Variants in KLHDC1 observed in about 807,000 individuals in gnomAD.
The protein encoded by KLHDC1 is kelch domain-containing protein 1.
KLHDC1 carries 53 observed loss-of-function variants against 68.3 expected under a neutral mutation model. That is an observed-to-expected ratio of 0.78 (90% CI 0.62 to 0.98). The LOEUF is 0.98. Ranked by LOEUF, KLHDC1 falls within the 50% of genes least tolerant of loss-of-function variation. The probability of loss-of-function intolerance (pLI) is 0.00; values close to 1 mark genes in which losing one functional copy is unlikely to be tolerated. For missense variants in KLHDC1, 470 were observed against 492.3 expected, an observed-to-expected ratio of 0.95 and a Z score of 0.43; for synonymous variants, 148 against 159.0, an observed-to-expected ratio of 0.93 and a Z score of 0.52.
chr14:49,741,280 A>T (rs1218326812), intron 11 of KLHDC1, among the ~76,000 whole-genome samples: 1 of 151,672 alleles, frequency 6.6e-6, no homozygotes, highest in Non-Finnish European at 1.5e-5. Flanking sequence ...TCAAGAGGAA[A>T]CTACTTTGTT....
chr14:49,710,420 A>G, intron 4 of KLHDC1, 39 bp downstream of exon 4: 2 of 1,021,900 alleles, frequency 2.0e-6, no homozygotes, highest in South Asian at 2.7e-5. Context: ...ATGTCTACCT[A>G]AGCAAAGATA....
chr14:49,751,543 C>A, intron 12 of KLHDC1, 43 bp from the exon 13 acceptor site: 4 of 881,238 alleles, frequency 4.5e-6, no homozygotes, highest in Admixed American at 2.9e-5. Context: ...TATATTATAA[C>A]CTCAGGTTCA....
intron 6 of KLHDC1, among the ~76,000 whole-genome samples, chr14:49,727,860 A>G (rs547084318): frequency 6.6e-6 from 1 of 152,250 alleles, no homozygotes; most frequent in Non-Finnish European, 1.5e-5. Flanking sequence ...AATTTCCTAT[A>G]CCCACTTTGA....
intron 9 of KLHDC1, among the ~76,000 whole-genome samples, chr14:49,733,859 A>G (rs894682331): frequency 1.3e-5 from 2 of 152,222 alleles, no homozygotes; most frequent in African/African-American, 4.8e-5. Context: ...TTTATTGAGC[A>G]TCAGCTGTGT....
At position 49,698,931 on chromosome 14, in the gene KLHDC1, G is replaced by C. The variant is rs190577778; in HGVS notation, c.96+5641G>C. Among the ~76,000 whole-genome samples, 1,068 of 151,828 alleles carry C rather than the reference G, an allele frequency of 7.0e-3. 10 individuals carry two copies. The highest frequency in any genetic ancestry group is 0.038 in the Middle Eastern group (11 of 292). On this transcript the variant is annotated intron_variant, in intron 1 of 12. Transcript: ENST00000359332. Reference sequence around the variant, plus strand: ...CTGTAATCCCAGCACTTTGGAGGCCGAGGCGGGTGGATCACGAGGGCAGGA... The same window carrying C: ...CTGTAATCCCAGCACTTTGGAGGCCCAGGCGGGTGGATCACGAGGGCAGGA...
intron 12 of KLHDC1, among the ~76,000 whole-genome samples, chr14:49,745,915 G>A (rs2139770014): frequency 6.6e-6 from 1 of 152,322 alleles, no homozygotes; most frequent in Middle Eastern, 3.4e-3. Context: ...CATATTACAA[G>A]TTAGACAATT....
At chr14:49,736,525 T>C (rs998965050) in intron 10 of KLHDC1, among the ~76,000 whole-genome samples, 2 of 152,024 alleles carry the variant, frequency 1.3e-5, no homozygotes, top group African/African-American at 4.8e-5. Flanking sequence ...TACAGTTGAG[T>C]GTAAGGAGAA....
intron 1 of KLHDC1, among the ~76,000 whole-genome samples, chr14:49,701,695 T>A (rs904053203): frequency 6.6e-6 from 1 of 151,658 alleles, no homozygotes; most frequent in Non-Finnish European, 1.5e-5. Context: ...AAAAACTGAT[T>A]TTTAAACACC....
intron 1 of KLHDC1, among the ~76,000 whole-genome samples, chr14:49,694,364 A>G (rs999246763): frequency 1.3e-5 from 2 of 152,100 alleles, no homozygotes; most frequent in East Asian, 3.9e-4. Flanking sequence ...CCCTACCATT[A>G]TGTGACAGAC....
intron 1 of KLHDC1, among the ~76,000 whole-genome samples, chr14:49,694,783 G>A (rs1887684948): frequency 6.6e-6 from 1 of 152,202 alleles, no homozygotes; most frequent in South Asian, 2.1e-4. Flanking sequence ...GGACCCGGGA[G>A]GCGGAGGTTG....
chr14:49,711,559 C>T (rs897024606), intron 4 of KLHDC1, among the ~76,000 whole-genome samples: 22 of 152,172 alleles, frequency 1.4e-4, no homozygotes, highest in African/African-American at 5.1e-4. Flanking sequence ...AGGCTGGCCT[C>T]GAACTCCTGA....
chr14:49,694,998 G>A (rs977428039), intron 1 of KLHDC1, among the ~76,000 whole-genome samples: 5 of 152,196 alleles, frequency 3.3e-5, no homozygotes, highest in South Asian at 2.1e-4. Context: ...ACTGATTAGG[G>A]TGGTTGTTGC....
chr14:49,725,858 G>GTTTTC, intron 6 of KLHDC1, 89 bp downstream of exon 6: 1 of 678,776 alleles, frequency 1.5e-6, no homozygotes, highest in South Asian at 2.1e-5. Flanking sequence ...GTTTTGTTTT[G>GTTTTC]TGTTTTTGAG....
chr14:49,735,992 G>A (rs931702381), intron 10 of KLHDC1, among the ~76,000 whole-genome samples: 3 of 152,128 alleles, frequency 2.0e-5, no homozygotes, highest in Non-Finnish European at 4.4e-5. Flanking sequence ...TCCAGCCTGG[G>A]CAGCAGAGCC....
At chr14:49,725,378 A>T (rs1172586015) in intron 5 of KLHDC1, among the ~76,000 whole-genome samples, 1 of 152,310 alleles carries the variant, frequency 6.6e-6, no homozygotes, top group East Asian at 1.9e-4. Context: ...TAAAATGTAA[A>T]CATCATTCCA....
At chr14:49,694,499 TAA>T (rs915538297) in intron 1 of KLHDC1, among the ~76,000 whole-genome samples, 3 of 152,144 alleles carry the variant, frequency 2.0e-5, no homozygotes, top group African/African-American at 7.2e-5. Flanking sequence ...TCAGTGCATA[TAA>T]AAGTCATGTT....
chr14:49,722,484 A>G, intron 4 of KLHDC1, among the ~76,000 whole-genome samples: 1 of 152,130 alleles, frequency 6.6e-6, no homozygotes, highest in Non-Finnish European at 1.5e-5. Context: ...CATGGTGTGT[A>G]TGTGCCACAT....
intron 1 of KLHDC1, among the ~76,000 whole-genome samples, chr14:49,707,272 ATGTG>A (rs749232051): frequency 1.1e-4 from 15 of 138,368 alleles, no homozygotes; most frequent in African/African-American, 2.5e-4. Context: ...TTCTATTTTT[ATGTG>A]TGTGTGTGTG....
intron 8 of KLHDC1, among the ~76,000 whole-genome samples, chr14:49,732,284 TG>T (rs1442923574): frequency 6.6e-6 from 1 of 152,090 alleles, no homozygotes; most frequent in East Asian, 1.9e-4. Flanking sequence ...GCAATTCTCC[TG>T]CCTCAGCCTC....
Sources: gnomAD v4.1 joint callset for allele counts (sites outside exome capture counted in the v4.1 genomes callset) on GRCh38, gnomAD v4.1.1 for gene constraint, MANE v1.5 for transcripts, NCBI Gene and HGNC (gene_info 2026-07-23, HGNC 2026-07-21) for gene names.